Variants in RPTOR observed in about 807,000 individuals in gnomAD.
The protein encoded by RPTOR is regulatory associated protein of MTOR complex 1.
RPTOR carries 21 observed loss-of-function variants against 169.9 expected under a neutral mutation model. The ratio of observed to expected loss-of-function variants is 0.12; its 90% confidence interval spans 0.09 to 0.18. RPTOR has a LOEUF of 0.18. Ranked by LOEUF, RPTOR falls within the 10% of genes least tolerant of loss-of-function variation. RPTOR has a pLI of 1.00. For missense variants in RPTOR, 1,133 were observed against 1,855.9 expected, an observed-to-expected ratio of 0.61 and a Z score of 7.16; for synonymous variants, 732 against 753.2, an observed-to-expected ratio of 0.97 and a Z score of 0.46.
chr17:80,842,185 A>C (rs2067678685), intron 10 of RPTOR, among the ~76,000 whole-genome samples: 1 of 152,180 alleles, frequency 6.6e-6, no homozygotes, highest in African/African-American at 2.4e-5. Flanking sequence ...CTAGAGCCAG[A>C]CTCTGTCACA....
At chr17:80,688,756 C>T (rs562471562) in intron 3 of RPTOR, among the ~76,000 whole-genome samples, 88 of 152,340 alleles carry the variant, frequency 5.8e-4, no homozygotes, top group Non-Finnish European at 1.2e-3. Flanking sequence ...TTTGCGGTTA[C>T]TGTTATTTAA....
intron 3 of RPTOR, among the ~76,000 whole-genome samples, chr17:80,648,694 G>A (rs2065615426): frequency 1.3e-5 from 2 of 152,062 alleles, no homozygotes; most frequent in Admixed American, 1.3e-4. Context: ...TCGCTTCCTT[G>A]TGCCCCCCAC....
intron 17 of RPTOR, among the ~76,000 whole-genome samples, chr17:80,887,960 G>T (rs890681030): frequency 6.6e-6 from 1 of 152,180 alleles, no homozygotes; most frequent in Admixed American, 6.5e-5. Flanking sequence ...CCAGGGGTGC[G>T]GGGCTAGAAC....
At chr17:80,889,995 C>T (rs527470149) in intron 17 of RPTOR, among the ~76,000 whole-genome samples, 1 of 145,938 alleles carries the variant, frequency 6.9e-6, no homozygotes, top group South Asian at 2.2e-4. Flanking sequence ...GTGCGGCCTC[C>T]GAGGGAGGCC....
chr17:80,669,534 G>A lies in RPTOR; in HGVS notation c.348+25724G>A, dbSNP rs377582888. Among the ~76,000 whole-genome samples, 8 of 152,320 alleles carry A rather than the reference G, an allele frequency of 5.3e-5. No homozygotes were observed. The East Asian group carries it at 1.5e-3, about 29-fold the overall frequency. ...CGGGTAGCTGGGATTACAGGCGTGC[G>A]CCACCATGCCCGGCTAATTTTGTAT... On this transcript the variant is annotated intron_variant, in intron 3 of 33. Transcript: ENST00000306801.
chr17:80,622,502 C>T (rs2065361613), intron 1 of RPTOR, among the ~76,000 whole-genome samples: 2 of 152,290 alleles, frequency 1.3e-5, no homozygotes, highest in East Asian at 1.9e-4. Flanking sequence ...GATGAAGGGG[C>T]CATTTGTCTC....
rs185663303 is a variant in RPTOR, at chr17:80,551,409, A to T, written c.162+5618A>T. On this transcript the variant is annotated intron_variant, in intron 1 of 33. Coordinates refer to ENST00000306801, the MANE Select transcript of RPTOR (RefSeq NM_020761.3). ...GATCATTCGTGGGTGTTTCTCCGAG[A>T]GGGGGATGTGTCAGGGTCACAAGAC... Among the ~76,000 whole-genome samples, 1,011 of 152,118 alleles carry T rather than the reference A, an allele frequency of 6.6e-3. 3 individuals are homozygous for T. The highest frequency in any genetic ancestry group is 0.011 in the Non-Finnish European group (761 of 67,990).
At chr17:80,778,470 T>C (rs1167486187) in intron 6 of RPTOR, among the ~76,000 whole-genome samples, 1 of 152,230 alleles carries the variant, frequency 6.6e-6, no homozygotes, top group Non-Finnish European at 1.5e-5. Context: ...TCTAAAGTTT[T>C]CCTTCCATTT....
At chr17:80,842,060 G>A (rs889673120) in intron 10 of RPTOR, among the ~76,000 whole-genome samples, 8 of 150,868 alleles carry the variant, frequency 5.3e-5, no homozygotes, top group African/African-American at 1.2e-4. Flanking sequence ...TCACACTCAC[G>A]GCGCTGCAGC....
chr17:80,678,588 G>C (rs2065876276), intron 3 of RPTOR, among the ~76,000 whole-genome samples: 1 of 152,194 alleles, frequency 6.6e-6, no homozygotes, highest in South Asian at 2.1e-4. Context: ...ATTATTTCAA[G>C]ATAAAAATTA....
chr17:80,688,807 A>T (rs1470811141), intron 3 of RPTOR, among the ~76,000 whole-genome samples: 6 of 152,222 alleles, frequency 3.9e-5, no homozygotes, highest in Non-Finnish European at 1.5e-5. Context: ...ATCGACTCCA[A>T]GGACACTGAC....
At chr17:80,670,877 A>C (rs1411105321) in intron 3 of RPTOR, among the ~76,000 whole-genome samples, 1 of 151,720 alleles carries the variant, frequency 6.6e-6, no homozygotes, top group Non-Finnish European at 1.5e-5. Context: ...CGGTCAGGGG[A>C]ATGGATTCTC....
chr17:80,752,980 C>CAA (rs3073626), intron 5 of RPTOR, among the ~76,000 whole-genome samples: 64,448 of 151,932 alleles, frequency 0.42, 14,329 homozygotes, highest in Non-Finnish European at 0.49. Flanking sequence ...TTTTACGTGA[C>CAA]AAGTCTCATT....
chr17:80,739,614 G>C (rs962529296), intron 5 of RPTOR, among the ~76,000 whole-genome samples: 1 of 152,104 alleles, frequency 6.6e-6, no homozygotes, highest in Non-Finnish European at 1.5e-5. Context: ...ACAGCACAGC[G>C]TGTGTTCTTT....
At chr17:80,577,306 A>G (rs1392211107) in intron 1 of RPTOR, among the ~76,000 whole-genome samples, 2 of 152,318 alleles carry the variant, frequency 1.3e-5, no homozygotes, top group African/African-American at 4.8e-5. Flanking sequence ...CTGTGATTAT[A>G]GGCATGAGCC....
Position 80,695,403 on chromosome 17 carries a change from G to T in RPTOR, c.349-12438G>T, listed in dbSNP as rs2066028007. 6.6e-6 allele frequency among the ~76,000 whole-genome samples: 1 copy of T among 152,196 alleles called. No individual in the cohort carries two copies. Among genetic ancestry groups the T allele is most frequent in the African/African-American group, 2.4e-5 (1 of 41,448 alleles). Reference sequence around the variant, plus strand: ...GCTGGTGAATCATTGATTTGGGGCTGAGACTTAAGTTTCCCATCTCTGGGC... The same window carrying T: ...GCTGGTGAATCATTGATTTGGGGCTTAGACTTAAGTTTCCCATCTCTGGGC... On this transcript the variant is annotated intron_variant, in intron 3 of 33. Transcript: ENST00000306801. The surrounding 1 kb of genome is among the most constrained non-coding windows in gnomAD (Gnocchi z 4.9).
At chr17:80,588,436 C>T (rs945887275) in intron 1 of RPTOR, among the ~76,000 whole-genome samples, 2 of 137,530 alleles carry the variant, frequency 1.5e-5, no homozygotes, top group Non-Finnish European at 2.9e-5. Flanking sequence ...GTTGGGATTA[C>T]AGGAGTGAGC....
At chr17:80,599,796 C>A (rs1255622245) in intron 1 of RPTOR, among the ~76,000 whole-genome samples, 2 of 152,132 alleles carry the variant, frequency 1.3e-5, no homozygotes, top group African/African-American at 4.8e-5. Flanking sequence ...AAAGGGGCCC[C>A]TTGTTAGGTG....
chr17:80,642,636 T>A (rs1447228435), intron 2 of RPTOR, among the ~76,000 whole-genome samples: 3 of 152,250 alleles, frequency 2.0e-5, no homozygotes, highest in Non-Finnish European at 4.4e-5. Context: ...TGAATTTTAA[T>A]GTCATAGCAT....
Sources: allele counts gnomAD v4.1 joint callset (sites outside exome capture counted in the v4.1 genomes callset), GRCh38; gene constraint gnomAD v4.1.1; non-coding constraint Gnocchi (gnomAD v3.1); transcripts MANE v1.5; gene names NCBI Gene and HGNC (gene_info 2026-07-23, HGNC 2026-07-21).